ARHGAP9: variants seen among roughly 807,000 people sequenced by gnomAD.
ARHGAP9 encodes Rho GTPase activating protein 9, also known as rho GTPase-activating protein 9.
Under a neutral mutation model 87.3 loss-of-function variants are expected in ARHGAP9, and 76 were observed. That is an observed-to-expected ratio of 0.87 (90% CI 0.72 to 1.05). The LOEUF is 1.05. Among genes scored for constraint, ARHGAP9 ranks in the 50% least tolerant of loss-of-function variants. The pLI, the probability that ARHGAP9 is intolerant of heterozygous loss-of-function variation, is 0.00. For synonymous variants in ARHGAP9, 382 were observed against 394.9 expected (o/e 0.97, Z 0.39); for missense variants, 941 against 960.5 (o/e 0.98, Z 0.27).
At chr12:57,488,127 T>C in intron 1 of ARHGAP9, 1 of 1,614,192 alleles carries the variant, frequency 6.2e-7, no homozygotes, top group Non-Finnish European at 8.5e-7. Context: ...CCCGGGTTGC[T>C]TGCCGGTGCT....
chr12:57,476,089 G>A lies in ARHGAP9; in HGVS notation c.1194C>T (p.Ser398=), dbSNP rs748542909. Reference sequence around the variant, plus strand: ...CGCTCACGTGCAGGACGTTGCGGCGGCTGGACAGGTGGCGGCCGTGCGCCA... The same window carrying A: ...CGCTCACGTGCAGGACGTTGCGGCGACTGGACAGGTGGCGGCCGTGCGCCA... The part of the protein sequence containing the change: ...AALAHGRHLS[S]RRNVLHIRTI... The change falls in exon 9 of 18, where the codon AGC becomes AGT. Residue 398 remains serine (S), a synonymous_variant. Transcript: ENST00000393791. 6.5e-7 allele frequency: 1 copy of A among 1,537,774 alleles called. No individual in the cohort carries two copies.
rs1363362452 is a variant in ARHGAP9 at position 57,477,668 on chromosome 12, G to A, written c.547C>T (p.Pro183Ser). The A allele has an allele frequency of 1.9e-6, 3 of 1,611,542 alleles. No individual in the cohort carries two copies. The highest frequency in any genetic ancestry group is 1.7e-5 in the Admixed American group (1 of 59,950). Residue 183 changes from proline (P) to serine (S), a missense_variant, in exon 4 of 18, where the codon CCC (proline) becomes TCC (serine). Physicochemically the swap from Pro to Ser is moderately conservative, Grantham distance 74 (BLOSUM62 -1). Coordinates refer to ENST00000393791, the MANE Select transcript of ARHGAP9 (RefSeq NM_032496.4). ...TACACAGGGGGCTCTGACATGAGGG[G>A]CTGGGGGCCTGCCTGCCAGAAAAGG... is the stretch of plus-strand genomic sequence containing the variant. ...EASASTAGPQ[P>S]LMSEPPVYCN...
chr12:57,486,293 G>A (rs908687389), intron 1 of ARHGAP9, among the ~76,000 whole-genome samples: 2 of 149,762 alleles, frequency 1.3e-5, no homozygotes, highest in Non-Finnish European at 3.0e-5. Context: ...TTTTTGAGAC[G>A]AAGTCTTGCT....
Position 57,472,287 on chromosome 12 carries a change from A to G in ARHGAP9, c.*230T>C. On this transcript the variant is annotated 3_prime_UTR_variant, in exon 18 of 18. Coordinates refer to ENST00000393791, the MANE Select transcript of ARHGAP9 (RefSeq NM_032496.4). ...GAAAAAATACCATGCCACTTTATGT[A>G]TTATTATGTTGGGGAGGAATGATAA... The G allele has an allele frequency of 1.6e-6, 1 of 610,670 alleles. No homozygotes were observed. Among genetic ancestry groups the G allele is most frequent in the Non-Finnish European group, 2.8e-6 (1 of 359,836 alleles). The allele number at this position is 610,670 out of a possible 1,614,324, so 37.8% of individuals were successfully genotyped here.
chr12:57,480,633 T>A, upstream of ARHGAP9: 1 of 783,802 alleles, frequency 1.3e-6, no homozygotes, highest in Non-Finnish European at 2.1e-6. Context: ...TAATTACAAT[T>A]GAATCAGGAA....
At chr12:57,473,996 C>T (rs1475460664) in intron 16 of ARHGAP9, 46 bp downstream of exon 16, 2 of 1,584,950 alleles carry the variant, frequency 1.3e-6, no homozygotes, top group Non-Finnish European at 1.7e-6. Flanking sequence ...TATTTACCAC[C>T]CGTGTCCCCC....
intron 1 of ARHGAP9, among the ~76,000 whole-genome samples, chr12:57,486,758 ACC>A (rs1875443646): frequency 6.7e-6 from 1 of 148,244 alleles, no homozygotes; most frequent in Non-Finnish European, 1.5e-5. Flanking sequence ...GGTGGCGGGC[ACC>A]TGTAGTTCCA....
chr12:57,475,514 C>A lies in ARHGAP9; in HGVS notation c.1413G>T (p.Pro471=). ...EEEESELVSK[P]LLRLSSRRSS... is the part of the protein sequence containing the mutation. ...TCCGGCGGCTGCTGAGGCGCAGCAG[C>A]GGCTTGGACACCAGCTCCGACTCCT... Residue 471 remains proline (P), a synonymous_variant, in exon 11 of 18, where the codon CCG becomes CCT. Transcript: ENST00000393791. 2 of 1,604,576 alleles carry A rather than the reference C, an allele frequency of 1.2e-6. No individual in the cohort carries two copies. Among genetic ancestry groups the A allele is most frequent in the Non-Finnish European group, 1.7e-6 (2 of 1,176,704 alleles).
At chr12:57,484,931 C>T (rs1318510573) in intron 1 of ARHGAP9, among the ~76,000 whole-genome samples, 1 of 151,414 alleles carries the variant, frequency 6.6e-6, no homozygotes, top group African/African-American at 2.4e-5. Flanking sequence ...TAGGTGTGAG[C>T]CACTGCGCCC....
rs200471304 is a variant in ARHGAP9 at position 57,488,156 on chromosome 12, C to T, written c.-204+456G>A. 37 of 1,614,030 alleles carry T rather than the reference C, an allele frequency of 2.3e-5. No individual in the cohort carries two copies. Among genetic ancestry groups the T allele is most frequent in the Admixed American group, 5.0e-5 (3 of 60,006 alleles). On this transcript the variant is annotated intron_variant, in intron 1 of 20. Coordinates refer to the ARHGAP9 transcript ENST00000393797. ...CGGTGCTGGCCGCCGCCGGGAGAGC[C>T]CGGGGCAGAGCAGAGGTGCTCATCA...
chr12:57,474,378 A>T, intron 15 of ARHGAP9, 45 bp downstream of exon 15: 1 of 1,609,128 alleles, frequency 6.2e-7, no homozygotes, highest in East Asian at 2.2e-5. Context: ...AGCAAAGAGG[A>T]TATGTGGAAG....
At chr12:57,476,815 AGGGGGGAG>A in intron 6 of ARHGAP9, 48 bp downstream of exon 6, 1 of 854,794 alleles carries the variant, frequency 1.2e-6, no homozygotes, top group Non-Finnish European at 1.7e-6. Context: ...GAGCAGGAAA[AGGGGGGAG>A]GGGGGGCAGG....
At chr12:57,484,266 C>A (rs1291683682), upstream of ARHGAP9, among the ~76,000 whole-genome samples, 3 of 150,878 alleles carry the variant, frequency 2.0e-5, no homozygotes, top group African/African-American at 2.4e-5. Context: ...GCAGGAGAAT[C>A]GCTTGAACCC....
chr12:57,476,310 C>T, intron 8 of ARHGAP9, 54 bp downstream of exon 8: 9 of 1,590,476 alleles, frequency 5.7e-6, no homozygotes, highest in Non-Finnish European at 6.9e-6. Flanking sequence ...CCCACATTGG[C>T]GTGAGGCGGT....
intron 2 of ARHGAP9, 86 bp downstream of exon 2, chr12:57,479,005 A>T: frequency 6.8e-7 from 1 of 1,476,948 alleles, no homozygotes; most frequent in Non-Finnish European, 9.2e-7. Context: ...AGGGAGGGGG[A>T]CCTCCCCAAA....
chr12:57,484,119 G>A (rs374677837), upstream of ARHGAP9: 5 of 196,048 alleles, frequency 2.6e-5, no homozygotes, highest in East Asian at 1.7e-4. Flanking sequence ...TTGGGAAGCC[G>A]AAGCAGGCGA....
Position 57,472,746 on chromosome 12 carries a change from TCTAA to T in ARHGAP9, c.2025-62_2025-59del, listed in dbSNP as rs763789813. The T allele has an allele frequency of 2.0e-4, 312 of 1,569,670 alleles. 1 individual carries two copies. The highest frequency in any genetic ancestry group is 1.7e-4 in the Middle Eastern group (1 of 5,966). On this transcript the variant is annotated intron_variant, in intron 17 of 17. Coordinates refer to ENST00000393791, the MANE Select transcript of ARHGAP9 (RefSeq NM_032496.4). ...GCAGCAGCTTGCCACTTCATAGCAA[TCTAA>T]CTAACCCTTCAAAGTTCTGAGCAGG...
chr12:57,487,331 T>C (rs1191149650), intron 1 of ARHGAP9: 2 of 152,094 alleles, frequency 1.3e-5, no homozygotes, highest in Middle Eastern at 3.2e-3. Context: ...TAACTTCCAC[T>C]TTGTCACTAA....
chr12:57,482,116 C>T (rs1295787435), upstream of ARHGAP9, among the ~76,000 whole-genome samples: 1 of 152,112 alleles, frequency 6.6e-6, no homozygotes, highest in Admixed American at 6.6e-5. Context: ...AATATGAAAT[C>T]AATAAATATT....
Sources: gnomAD v4.1 joint callset for allele counts (sites outside exome capture counted in the v4.1 genomes callset) on GRCh38, gnomAD v4.1.1 for gene constraint, MANE v1.5 for transcripts, NCBI Gene and HGNC (gene_info 2026-07-23, HGNC 2026-07-21) for gene names.